Variants in STPG4 observed in about 807,000 individuals in gnomAD.
STPG4 encodes the protein sperm-tail PG-rich repeat containing 4.
In STPG4, 41 loss-of-function variants were observed where a neutral mutation model predicts 31.5. That is an observed-to-expected ratio of 1.30 (90% CI 1.01 to 1.69). The LOEUF (loss-of-function observed/expected upper bound fraction) is 1.69. Among genes scored for constraint, STPG4 ranks in the 40% most tolerant of loss-of-function variants. The probability of loss-of-function intolerance (pLI) is 0.00; values close to 1 mark genes in which losing one functional copy is unlikely to be tolerated. For synonymous variants in STPG4, 141 were observed against 103.0 expected (o/e 1.37, Z -2.24); for missense variants, 375 against 293.4 (o/e 1.28, Z -2.03).
Position 47,103,665 on chromosome 2 carries a change from C to A in STPG4, c.520-13291G>T, listed in dbSNP as rs568927940. 8.4e-4 allele frequency among the ~76,000 whole-genome samples: 127 copies of A among 152,048 alleles called. 1 individual carries two copies. The highest frequency in any genetic ancestry group is 3.0e-3 in the African/African-American group (126 of 41,340). On this transcript the variant is annotated intron_variant, in intron 5 of 6. Transcript: ENST00000445927. ...TGTCCAATGAGAAACAAACTGCCCC[C>A]TCGTCCATGTCCACTATGCCGAGGC...
At chr2:47,104,715 G>A (rs1685868611) in intron 5 of STPG4, among the ~76,000 whole-genome samples, 1 of 151,872 alleles carries the variant, frequency 6.6e-6, no homozygotes, top group Admixed American at 6.6e-5. Context: ...TTCAATATGT[G>A]GATGATTTAC....
Position 47,130,239 on chromosome 2 carries a change from G to T in STPG4, c.421C>A (p.Gln141Lys), listed in dbSNP as rs1558683160. 1 of 1,614,082 alleles carries T rather than the reference G, an allele frequency of 6.2e-7. No individual in the cohort carries two copies. Among genetic ancestry groups the T allele is most frequent in the East Asian group, 2.2e-5 (1 of 44,874 alleles). ...KDQSLQLSPGQYNVLPAPVPK... is the reference protein window; with the variant it reads ...KDQSLQLSPGKYNVLPAPVPK... ...ACTGGTGCAGGAAGCACGTTGTATTGCCCCGGAGAAAGCTGAAGTGACTGC... is the reference window on the plus strand; with the variant it reads ...ACTGGTGCAGGAAGCACGTTGTATTTCCCCGGAGAAAGCTGAAGTGACTGC... Residue 141 changes from glutamine (Q) to lysine (K), a missense_variant, in exon 4 of 7, where the codon CAA becomes AAA. Physicochemically the swap from Gln to Lys is moderately conservative, Grantham distance 53 (BLOSUM62 1). Transcript: ENST00000445927.
intron 5 of STPG4, among the ~76,000 whole-genome samples, chr2:47,119,020 T>C (rs1686208584): frequency 6.6e-6 from 1 of 152,258 alleles, no homozygotes; most frequent in East Asian, 1.9e-4. Flanking sequence ...CATTATAATG[T>C]CCTAAGGATT....
intron 5 of STPG4, among the ~76,000 whole-genome samples, chr2:47,122,970 C>T (rs561555076): frequency 1.6e-3 from 249 of 152,102 alleles, no homozygotes; most frequent in African/African-American, 5.1e-3. Flanking sequence ...GGATTACAGG[C>T]GCATGCCACC....
At chr2:47,103,688 G>A (rs948809484) in intron 5 of STPG4, among the ~76,000 whole-genome samples, 2 of 151,918 alleles carry the variant, frequency 1.3e-5, no homozygotes, top group Admixed American at 6.5e-5. Context: ...ACTATGCCGA[G>A]GCAATCACTG....
chr2:47,114,704 G>C (rs1438475725), intron 5 of STPG4, among the ~76,000 whole-genome samples: 2 of 152,056 alleles, frequency 1.3e-5, no homozygotes, highest in East Asian at 1.9e-4. Flanking sequence ...CTGCAGACAG[G>C]TTCATGTCTT....
At chr2:47,145,118 G>A (rs1686793197) in intron 3 of STPG4, among the ~76,000 whole-genome samples, 1 of 152,246 alleles carries the variant, frequency 6.6e-6, no homozygotes, top group African/African-American at 2.4e-5. Flanking sequence ...AGAAGCCAAG[G>A]AGGTAAGTGG....
At chr2:47,109,113 A>C (rs1227352493) in intron 5 of STPG4, among the ~76,000 whole-genome samples, 2 of 152,242 alleles carry the variant, frequency 1.3e-5, no homozygotes, top group Non-Finnish European at 2.9e-5. Flanking sequence ...TTCTGTTTCC[A>C]GTCAAGAAAT....
At chr2:47,109,743 T>C (rs1685998688) in intron 5 of STPG4, among the ~76,000 whole-genome samples, 1 of 152,164 alleles carries the variant, frequency 6.6e-6, no homozygotes, top group Non-Finnish European at 1.5e-5. Context: ...AGCCAGACTG[T>C]GTTTATTAAT....
chr2:47,121,847 C>CGTGTGTGAGT (rs1553426682), intron 5 of STPG4, among the ~76,000 whole-genome samples: 1 of 144,220 alleles, frequency 6.9e-6, no homozygotes, highest in African/African-American at 2.6e-5. Context: ...GCCCTCTCCT[C>CGTGTGTGAGT]GTGTGTGTGT....
intron 5 of STPG4, among the ~76,000 whole-genome samples, chr2:47,109,804 G>T (rs1685999478): frequency 6.6e-6 from 1 of 151,968 alleles, no homozygotes; most frequent in Non-Finnish European, 1.5e-5. Flanking sequence ...GTTTTTAATT[G>T]AATTCATTCC....
chr2:47,116,086 C>T (rs1359416878), intron 5 of STPG4, among the ~76,000 whole-genome samples: 1 of 152,202 alleles, frequency 6.6e-6, no homozygotes, highest in African/African-American at 2.4e-5. Context: ...GTTCTTTCCT[C>T]TGGGCTCATT....
At chr2:47,087,241 G>T in intron 6 of STPG4, 111 bp from the exon 7 acceptor site, 1 of 1,266,578 alleles carries the variant, frequency 7.9e-7, no homozygotes, top group Non-Finnish European at 1.1e-6. Flanking sequence ...CAAGGATGAA[G>T]ACCAGGGCCA....
chr2:47,113,215 A>T (rs968186412), intron 5 of STPG4, among the ~76,000 whole-genome samples: 1 of 152,204 alleles, frequency 6.6e-6, no homozygotes, highest in Non-Finnish European at 1.5e-5. Context: ...ATTCCAGAAG[A>T]TGATGACGAA....
At chr2:47,155,026 G>C (rs751447131) in intron 1 of STPG4, 145 bp downstream of exon 1, 20 of 679,672 alleles carry the variant, frequency 2.9e-5, no homozygotes, top group Middle Eastern at 2.6e-4. Flanking sequence ...TCCGCAGGTG[G>C]AGACGTGCGT....
intron 6 of STPG4, among the ~76,000 whole-genome samples, chr2:47,089,585 G>C (rs1685526954): frequency 6.6e-6 from 1 of 151,938 alleles, no homozygotes; most frequent in Non-Finnish European, 1.5e-5. Flanking sequence ...AGCAAGTCTT[G>C]GGGACTTTCA....
chr2:47,128,590 G>C (rs1329369394), intron 5 of STPG4, among the ~76,000 whole-genome samples: 1 of 152,100 alleles, frequency 6.6e-6, no homozygotes, highest in Non-Finnish European at 1.5e-5. Context: ...CAGGCCTGTA[G>C]CAAGTACTGC....
At chr2:47,138,583 C>A (rs1181292836) in intron 3 of STPG4, among the ~76,000 whole-genome samples, 1 of 151,842 alleles carries the variant, frequency 6.6e-6, no homozygotes, top group Non-Finnish European at 1.5e-5. Context: ...TGGAGTCTTG[C>A]TCTGTTGCCA....
At chr2:47,112,723 C>A (rs1686066950) in intron 5 of STPG4, among the ~76,000 whole-genome samples, 1 of 152,072 alleles carries the variant, frequency 6.6e-6, no homozygotes, top group South Asian at 2.1e-4. Flanking sequence ...GTCAACAGGG[C>A]TCAAATGACA....
Sources: gnomAD v4.1 joint callset for allele counts (sites outside exome capture counted in the v4.1 genomes callset) on GRCh38, gnomAD v4.1.1 for gene constraint, MANE v1.5 for transcripts, NCBI Gene and HGNC (gene_info 2026-07-23, HGNC 2026-07-21) for gene names.